MRPS7: variants seen among roughly 807,000 people sequenced by gnomAD.
MRPS7 encodes small ribosomal subunit protein uS7m.
Under a neutral mutation model 26.2 loss-of-function variants are expected in MRPS7, and 13 were observed. The ratio of observed to expected loss-of-function variants is 0.50; its 90% confidence interval spans 0.32 to 0.79. The LOEUF (loss-of-function observed/expected upper bound fraction) is 0.79. Ranked by LOEUF, MRPS7 falls within the 30% of genes least tolerant of loss-of-function variation. The pLI is 0.03. For synonymous variants in MRPS7, 129 were observed against 113.3 expected (o/e 1.14, Z -0.88); for missense variants, 318 against 312.2 (o/e 1.02, Z -0.14).
Position 75,263,527 on chromosome 17 carries a change from A to T in MRPS7, c.507+20A>T, listed in dbSNP as rs749550139. 6.2e-7 allele frequency: 1 copy of T among 1,613,728 alleles called. No individual in the cohort carries two copies. The highest frequency in any genetic ancestry group is 2.2e-5 in the East Asian group (1 of 44,866). ...TACCAGGTGAATGAATGGCCAGGGC[A>T]AGAAAGCAGGGCCCTCCACATGTGA... On this transcript the variant is annotated intron_variant, in intron 4 of 4. Transcript: ENST00000245539.
In MRPS7 at chr17:75,263,369, T is replaced by G; in HGVS notation, c.369T>G (p.Phe123Leu). Reference sequence around the variant, plus strand: ...TGGAAGCTGTGAAAAGGAAGCAGTTTGAGAAGTACCATGCCGCTTCTGCAG... The same window carrying G: ...TGGAAGCTGTGAAAAGGAAGCAGTTGGAGAAGTACCATGCCGCTTCTGCAG... ...QTLEAVKRKQFEKYHAASAEE... is the reference protein window; with the variant it reads ...QTLEAVKRKQLEKYHAASAEE... Residue 123 changes from phenylalanine to leucine, a missense_variant, in exon 4 of 5, where the codon TTT (phenylalanine) becomes TTG (leucine). Transcript: ENST00000245539. 2 of 1,614,132 alleles carry G rather than the reference T, an allele frequency of 1.2e-6. No individual in the cohort carries two copies. The highest frequency in any genetic ancestry group is 1.7e-6 in the Non-Finnish European group (2 of 1,180,024).
rs778150192 is a variant in MRPS7 at position 75,265,902 on chromosome 17, G to A, written c.708G>A (p.Leu236=). ...LHKMAEANRA[L]AHYRWW is the part of the protein sequence containing the mutation. ...AGATGGCAGAGGCCAACCGTGCCCTGGCCCACTACCGCTGGTGGTAGAGTC... is the reference window on the plus strand; with the variant it reads ...AGATGGCAGAGGCCAACCGTGCCCTAGCCCACTACCGCTGGTGGTAGAGTC... Residue 236 remains leucine, a synonymous_variant, in exon 5 of 5, where the codon CTG becomes CTA. Transcript: ENST00000245539. 1 of 1,613,798 alleles carries A rather than the reference G, an allele frequency of 6.2e-7. No homozygotes were observed. The highest frequency in any genetic ancestry group is 1.1e-5 in the South Asian group (1 of 91,082).
intron 4 of MRPS7, chr17:75,264,196 T>TGA (rs1361915607): frequency 6.7e-6 from 1 of 149,956 alleles, no homozygotes; most frequent in Non-Finnish European, 1.5e-5. Flanking sequence ...AAAAAAGAAT[T>TGA]GAGACTGTTA....
At position 75,262,602 on chromosome 17, in the gene MRPS7, A is replaced by C; in HGVS notation, c.189A>C (p.Lys63Asn). The change falls in exon 2 of 5, where the codon AAA becomes AAC. Residue 63 changes from lysine (K) to asparagine (N), a missense_variant. Coordinates refer to ENST00000245539, the MANE Select transcript of MRPS7 (RefSeq NM_015971.4). The stretch of plus-strand genomic sequence containing the variant: ...TGGAGGAGCTAACTGAGGAGGAGAA[A>C]TATGTTCGGGAGCTCAAGAAGACTC... ...KPVEELTEEE[K>N]YVRELKKTQL... 6.2e-7 allele frequency: 1 copy of C among 1,614,144 alleles called. No homozygotes were observed. The highest frequency in any genetic ancestry group is 2.2e-5 in the East Asian group (1 of 44,890).
intron 3 of MRPS7, 132 bp downstream of exon 3, chr17:75,262,999 G>GT (rs1375093265): frequency 7.6e-6 from 7 of 920,012 alleles, no homozygotes; most frequent in Admixed American, 5.2e-5. Flanking sequence ...CCCTGCATGT[G>GT]TACGGGCTTT....
Position 75,266,361 on chromosome 17 carries a change from G to A in MRPS7, c.*438G>A, listed in dbSNP as rs2077485267. 2.7e-6 allele frequency: 1 copy of A among 369,964 alleles called. No individual in the cohort carries two copies. Among genetic ancestry groups the A allele is most frequent in the Non-Finnish European group, 5.1e-6 (1 of 196,992 alleles). 22.9% of individuals were successfully genotyped at this position (369,964 alleles called of 1,614,324 possible). On this transcript the variant is annotated 3_prime_UTR_variant, in exon 5 of 5. Coordinates refer to ENST00000245539, the MANE Select transcript of MRPS7 (RefSeq NM_015971.4). ...TGTCCTTATACAAAATGTATAAAAA[G>A]CAGTTTCTGGTGTGACTTGTGCTCT...
chr17:75,266,004 A>C lies in MRPS7; in HGVS notation c.*81A>C. ...CACGCTGAAAACTACCTGTGGGTTAAGGATGTAGTTCCTTTGTAAGGGTGG... is the reference window on the plus strand; with the variant it reads ...CACGCTGAAAACTACCTGTGGGTTACGGATGTAGTTCCTTTGTAAGGGTGG... On this transcript the variant is annotated 3_prime_UTR_variant, in exon 5 of 5. Transcript: ENST00000245539. The C allele has an allele frequency of 7.5e-7, 1 of 1,333,152 alleles. No homozygotes were observed. The highest frequency in any genetic ancestry group is 1.1e-6 in the Non-Finnish European group (1 of 948,070). 82.6% of individuals were successfully genotyped at this position (1,333,152 alleles called of 1,614,324 possible).
chr17:75,263,112 T>G, intron 3 of MRPS7: 1 of 622,850 alleles, frequency 1.6e-6, no homozygotes, highest in Non-Finnish European at 2.7e-6. Flanking sequence ...CAACTGCCAT[T>G]CCCCACCTCA....
At chr17:75,264,896 G>A (rs927620786) in intron 4 of MRPS7, among the ~76,000 whole-genome samples, 2 of 151,586 alleles carry the variant, frequency 1.3e-5, no homozygotes, top group African/African-American at 4.8e-5. Flanking sequence ...TGCTGTGTCT[G>A]AAGACTGAAG....
In MRPS7 at chr17:75,266,178, TTTCTC is replaced by T. The variant is rs2077479370; in HGVS notation, c.*259_*263del. On this transcript the variant is annotated 3_prime_UTR_variant, in exon 5 of 5. Transcript: ENST00000245539. ...TTTCCTCCAGGAAACTCAGGGCTGT[TTTCTC>T]TTCCCTTAGGTTGGGGCGGACCTTT... 1 of 538,406 alleles carries T rather than the reference TTTCTC, an allele frequency of 1.9e-6. No individual in the cohort carries two copies. The highest frequency in any genetic ancestry group is 3.3e-5 in the East Asian group (1 of 30,500). 33.4% of individuals were successfully genotyped at this position (538,406 alleles called of 1,614,324 possible). A position where few individuals can be genotyped will look rare whatever the true frequency, so the allele number is the denominator to read the frequency against.
intron 4 of MRPS7, chr17:75,263,708 G>T (rs969134690): frequency 3.0e-6 from 2 of 666,956 alleles, no homozygotes; most frequent in Non-Finnish European, 4.9e-6. Context: ...GGGAGATCCC[G>T]TCTCTACAAA....
In MRPS7 at chr17:75,265,892, A is replaced by G. The variant is rs2077474949; in HGVS notation, c.698A>G (p.Asn233Ser). The G allele has an allele frequency of 6.8e-6, 11 of 1,613,926 alleles. No homozygotes were observed. Among genetic ancestry groups the G allele is most frequent in the Non-Finnish European group, 8.5e-6 (10 of 1,180,000 alleles). Reference protein sequence around the residue: ...KHDLHKMAEANRALAHYRWW With the variant: ...KHDLHKMAEASRALAHYRWW ...GACTTGCACAAGATGGCAGAGGCCA[A>G]CCGTGCCCTGGCCCACTACCGCTGG... Residue 233 changes from asparagine (N) to serine (S), a missense_variant, in exon 5 of 5, where the codon AAC becomes AGC. Coordinates refer to ENST00000245539, the MANE Select transcript of MRPS7 (RefSeq NM_015971.4).
intron 4 of MRPS7, among the ~76,000 whole-genome samples, 179 bp from the exon 5 acceptor site, chr17:75,265,523 C>T (rs2077469599): frequency 6.6e-6 from 1 of 152,188 alleles, no homozygotes; most frequent in Non-Finnish European, 1.5e-5. Context: ...CTTATGTCTG[C>T]TACACTGGGG....
chr17:75,264,498 TCTTGTGTTCTC>T (rs1192239678), intron 4 of MRPS7: 1 of 152,222 alleles, frequency 6.6e-6, no homozygotes, highest in Non-Finnish European at 1.5e-5. Context: ...TCCTGAGTTT[TCTTGTGTTCTC>T]CTTTTTCAAT....
intron 4 of MRPS7, chr17:75,264,319 A>G (rs2077453818): frequency 6.6e-6 from 1 of 152,200 alleles, no homozygotes; most frequent in African/African-American, 2.4e-5. Context: ...TTCTTCTGTC[A>G]AGCATCCTGT....
In MRPS7 at chr17:75,265,730, G is replaced by A. The variant is rs752619610; in HGVS notation, c.536G>A (p.Arg179His). The A allele has an allele frequency of 4.0e-5, 64 of 1,613,862 alleles. No individual in the cohort carries two copies. The highest frequency in any genetic ancestry group is 1.0e-4 in the Admixed American group (6 of 60,004). ...QVPVPLPDRR[R>H]RFLAMKWMIT... ...CCTGTACCCCTACCCGACCGGCGTCGCCGCTTCCTAGCCATGAAGTGGATG... is the reference window on the plus strand; with the variant it reads ...CCTGTACCCCTACCCGACCGGCGTCACCGCTTCCTAGCCATGAAGTGGATG... Residue 179 changes from arginine to histidine, a missense_variant, in exon 5 of 5, where the codon CGC becomes CAC. Arg to His is a conservative substitution (Grantham distance 29). Transcript: ENST00000245539.
At chr17:75,264,271 G>A (rs1401246051) in intron 4 of MRPS7, 1 of 152,002 alleles carries the variant, frequency 6.6e-6, no homozygotes, top group African/African-American at 2.4e-5. Flanking sequence ...GAGTGAAGAA[G>A]TATCTAAGTG....
In MRPS7 at chr17:75,263,020, T is replaced by C. The variant is rs16967754; in HGVS notation, c.339+153T>C. The C allele has an allele frequency of 0.042, 30,643 of 733,420 alleles. 3,736 individuals carry two copies. Among genetic ancestry groups the C allele is most frequent in the African/African-American group, 0.33 (18,634 of 55,946 alleles). 45.4% of individuals were successfully genotyped at this position (733,420 alleles called of 1,614,324 possible). On this transcript the variant is annotated intron_variant, in intron 3 of 4. Transcript: ENST00000245539. ...ATGTGTACGGGCTTTAATGAAGCCC[T>C]GTAAGAGTCAGCAACTGCCATTCCT... is the stretch of plus-strand genomic sequence containing the variant.
chr17:75,266,298 G>C lies in MRPS7; in HGVS notation c.*375G>C. 1 of 357,064 alleles carries C rather than the reference G, an allele frequency of 2.8e-6. No homozygotes were observed. The highest frequency in any genetic ancestry group is 2.9e-5 in the South Asian group (1 of 34,474). The allele number at this position is 357,064 out of a possible 1,614,324, so 22.1% of individuals were successfully genotyped here. A position where few individuals can be genotyped will look rare whatever the true frequency, so the allele number is the denominator to read the frequency against. ...GGTGTAGCATGTGGTGCAGCATTCA[G>C]TGAAACTGGCTGGAGGAAATAGGCT... On this transcript the variant is annotated 3_prime_UTR_variant, in exon 5 of 5. Transcript: ENST00000245539.
Sources: gnomAD v4.1 joint callset for allele counts (sites outside exome capture counted in the v4.1 genomes callset) on GRCh38, gnomAD v4.1.1 for gene constraint, MANE v1.5 for transcripts, NCBI Gene and HGNC (gene_info 2026-07-23, HGNC 2026-07-21) for gene names.